The following NOSTRIN variants were observed in gnomAD, a reference collection of about 807,000 sequenced individuals.
NOSTRIN encodes nitric oxide synthase trafficking, also known as BM247 homolog.
NOSTRIN carries 63 observed loss-of-function variants against 59.0 expected under a neutral mutation model. That is an observed-to-expected ratio of 1.07 (90% confidence interval 0.87 to 1.32). The LOEUF (loss-of-function observed/expected upper bound fraction) is 1.32. Among genes scored for constraint, NOSTRIN ranks in the 40% most tolerant of loss-of-function variants. NOSTRIN has a pLI of 0.00. For synonymous variants in NOSTRIN, 200 were observed against 165.4 expected (o/e 1.21, Z -1.61); for missense variants, 512 against 473.1 (o/e 1.08, Z -0.76).
chr2:168,793,171 T>C (rs1487989966), upstream of NOSTRIN, among the ~76,000 whole-genome samples: 1 of 152,206 alleles, frequency 6.6e-6, no homozygotes, highest in Non-Finnish European at 1.5e-5. Flanking sequence ...ATTTTAAAAC[T>C]CTACCACTGC....
intron 7 of NOSTRIN, among the ~76,000 whole-genome samples, chr2:168,841,235 CAAAAAAAAAAAAA>C (rs57480764): frequency 0.48 from 51,179 of 107,228 alleles, 10,170 homozygotes; most frequent in South Asian, 0.66. Context: ...ACCCTGTCTC[CAAAAAAAAAAAAA>C]AAAAAAAAAA....
intron 10 of NOSTRIN, 43 bp from the exon 11 acceptor site, chr2:168,855,309 T>G: frequency 1.9e-6 from 2 of 1,045,464 alleles, no homozygotes; most frequent in Non-Finnish European, 2.9e-6. Context: ...ATAGCAACTC[T>G]TACTTCTTCC....
At chr2:168,835,388 G>A (rs1245806081) in intron 7 of NOSTRIN, among the ~76,000 whole-genome samples, 4 of 152,100 alleles carry the variant, frequency 2.6e-5, no homozygotes, top group Admixed American at 6.6e-5. Context: ...CAGCCTTCTC[G>A]ATAATGTAAT....
intron 10 of NOSTRIN, among the ~76,000 whole-genome samples, chr2:168,851,618 G>A (rs1294009357): frequency 6.6e-6 from 1 of 152,160 alleles, no homozygotes; most frequent in African/African-American, 2.4e-5. Context: ...AAGTCAAGCA[G>A]GGTTTTAAAC....
At chr2:168,793,235 T>A (rs561369274), upstream of NOSTRIN, among the ~76,000 whole-genome samples, 1 of 152,228 alleles carries the variant, frequency 6.6e-6, no homozygotes, top group African/African-American at 2.4e-5. Flanking sequence ...GGCAACAGCC[T>A]CCCCACTCTT....
intron 2 of NOSTRIN, among the ~76,000 whole-genome samples, chr2:168,793,021 T>TG (rs1484701201): frequency 6.6e-6 from 1 of 152,240 alleles, no homozygotes; most frequent in East Asian, 1.9e-4. Flanking sequence ...CATTAACTCC[T>TG]GTTCTTTAGT....
At chr2:168,856,432 G>T in intron 11 of NOSTRIN, 1 of 418,140 alleles carries the variant, frequency 2.4e-6, no homozygotes, top group Non-Finnish European at 4.4e-6. Context: ...AAAATTAGCC[G>T]GACATGGTGG....
At chr2:168,851,451 G>A in intron 10 of NOSTRIN, 47 bp downstream of exon 10, 1 of 1,554,196 alleles carries the variant, frequency 6.4e-7, no homozygotes, top group Non-Finnish European at 8.6e-7. Flanking sequence ...GAGAATCTTA[G>A]GTACTGAGGG....
At chr2:168,798,299 C>A (rs1301411678), upstream of NOSTRIN, 1 of 152,092 alleles carries the variant, frequency 6.6e-6, no homozygotes, top group East Asian at 1.9e-4. Flanking sequence ...CATGCTGTTG[C>A]CAATTCTTTG....
chr2:168,851,586 T>C (rs1688772995), intron 10 of NOSTRIN, among the ~76,000 whole-genome samples, 182 bp downstream of exon 10: 1 of 152,212 alleles, frequency 6.6e-6, no homozygotes, highest in African/African-American at 2.4e-5. Context: ...AACATGTCTT[T>C]GGTATTTTCT....
intron 2 of NOSTRIN, among the ~76,000 whole-genome samples, chr2:168,816,500 C>T (rs2105573373): frequency 6.6e-6 from 1 of 152,278 alleles, no homozygotes; most frequent in East Asian, 1.9e-4. Context: ...TGCATCACCA[C>T]CACCACCACC....
At chr2:168,839,968 A>G (rs1293864691) in intron 7 of NOSTRIN, among the ~76,000 whole-genome samples, 2 of 149,688 alleles carry the variant, frequency 1.3e-5, no homozygotes, top group East Asian at 3.9e-4. Flanking sequence ...TTTCATATAT[A>G]TACTTGAACT....
At position 168,863,437 on chromosome 2, in the gene NOSTRIN, C is replaced by T. The variant is rs1014424282; in HGVS notation, c.1384+1388C>T. 4 of 984,938 alleles carry T rather than the reference C, an allele frequency of 4.1e-6. No individual in the cohort carries two copies. The African/African-American group carries it at 7.0e-5, about 17-fold the overall frequency. The allele number at this position is 984,938 out of a possible 1,614,324, so 61.0% of individuals were successfully genotyped here. On this transcript the variant is annotated intron_variant, in intron 15 of 15. Coordinates refer to ENST00000317647, the MANE Select transcript of NOSTRIN (RefSeq NM_001039724.4). ...CTGAAAAATCACCTCAGAATGATGC[C>T]AAATAAAAAGTAGCTCTTGGATCCT... is the stretch of plus-strand genomic sequence containing the variant.
At chr2:168,864,610 A>ATGAT (rs1267499649) in intron 15 of NOSTRIN, among the ~76,000 whole-genome samples, 5 of 152,178 alleles carry the variant, frequency 3.3e-5, no homozygotes, top group African/African-American at 4.8e-5. Context: ...CAATTATTTT[A>ATGAT]TGATATATCT....
chr2:168,837,444 G>A (rs1013425344), intron 7 of NOSTRIN, among the ~76,000 whole-genome samples: 1 of 150,756 alleles, frequency 6.6e-6, no homozygotes, highest in African/African-American at 2.4e-5. Flanking sequence ...CGAGTAGCTG[G>A]GACTACAGGC....
intron 2 of NOSTRIN, among the ~76,000 whole-genome samples, chr2:168,818,495 CAACTACAGTTTGTTTTTTA>C (rs1303850196): frequency 6.6e-6 from 1 of 152,128 alleles, no homozygotes; most frequent in Non-Finnish European, 1.5e-5. Flanking sequence ...ACACAGGGGG[CAACTACAGTTTGTTTTTTA>C]AACTACTTTT....
At chr2:168,862,543 T>TGTAA (rs67216045) in intron 15 of NOSTRIN, among the ~76,000 whole-genome samples, 342 of 152,020 alleles carry the variant, frequency 2.2e-3, no homozygotes, top group Non-Finnish European at 3.8e-3. Flanking sequence ...CTCAACTTAG[T>TGTAA]GTAAGTAAGT....
Position 168,828,500 on chromosome 2 carries a change from C to T in NOSTRIN, c.341C>T (p.Ser114Leu). ...VLNVQEKKRK[S>L]LDNEVEKTAN... ...AATGTACAAGAGAAGAAGAGAAAAT[C>T]AGTGAGTCCAAACCTTTCTTTACTC... The change falls in exon 5 of 16, where the codon TCA becomes TTA. Residue 114 changes from serine to leucine, a missense_variant and splice_region_variant. Physicochemically the swap from Ser to Leu is moderately radical, Grantham distance 145 (BLOSUM62 -2). Coordinates refer to ENST00000317647, the MANE Select transcript of NOSTRIN (RefSeq NM_001039724.4). 1.1e-6 allele frequency: 1 copy of T among 870,142 alleles called. No individual in the cohort carries two copies. Among genetic ancestry groups the T allele is most frequent in the Non-Finnish European group, 2.0e-6 (1 of 500,968 alleles). The allele number at this position is 870,142 out of a possible 1,614,324, so 53.9% of individuals were successfully genotyped here.
intron 12 of NOSTRIN, among the ~76,000 whole-genome samples, chr2:168,858,430 T>G (rs1689246914): frequency 6.6e-6 from 1 of 152,242 alleles, no homozygotes; most frequent in Non-Finnish European, 1.5e-5. Context: ...TTTACATTCT[T>G]CCTTATTTCA....
Sources: gnomAD v4.1 joint callset for allele counts (sites outside exome capture counted in the v4.1 genomes callset) on GRCh38, gnomAD v4.1.1 for gene constraint, MANE v1.5 for transcripts, NCBI Gene and HGNC (gene_info 2026-07-23, HGNC 2026-07-21) for gene names.